Variants in GLMN observed in about 807,000 individuals in gnomAD.
GLMN encodes the protein glomulin.
In GLMN, 75 loss-of-function variants were observed where a neutral mutation model predicts 87.8. The ratio of observed to expected loss-of-function variants is 0.85; its 90% CI spans 0.71 to 1.04. GLMN has a LOEUF of 1.04. Ranked by LOEUF, GLMN falls within the 50% of genes least tolerant of loss-of-function variation. The pLI is 0.00. For missense variants in GLMN, 588 were observed against 658.8 expected (o/e 0.89, Z 1.18); for synonymous variants, 206 against 221.6 (o/e 0.93, Z 0.63).
At position 92,289,020 on chromosome 1, in the gene GLMN, A is replaced by C; in HGVS notation, c.526T>G (p.Cys176Gly). ...IQMDDYGLCQCCKALIEFTKP... is the reference protein window; with the variant it reads ...IQMDDYGLCQGCKALIEFTKP... ...GTGAACTCTATTAAGGCCTTGCAAC[A>C]CTGACAAAGGCCATAGTCATCCATT... is the stretch of plus-strand genomic sequence containing the variant. Residue 176 changes from cysteine (C) to glycine (G), a missense_variant, in exon 6 of 19, where the codon TGT becomes GGT. Cys to Gly is a radical substitution (Grantham distance 159, BLOSUM62 -3). Coordinates refer to ENST00000370360, the MANE Select transcript of GLMN (RefSeq NM_053274.3). 1.9e-6 allele frequency: 3 copies of C among 1,609,086 alleles called. No individual in the cohort carries two copies. The South Asian group carries it at 3.3e-5, about 18-fold the overall frequency.
chr1:92,266,484 C>G lies in GLMN; in HGVS notation c.1149G>C (p.Lys383Asn), dbSNP rs1655645485. 1 of 1,553,940 alleles carries G rather than the reference C, an allele frequency of 6.4e-7. No individual in the cohort carries two copies. The highest frequency in any genetic ancestry group is 8.9e-7 in the Non-Finnish European group (1 of 1,126,948). ...TATACAGCTGAAGCATAGCTAAACT[C>G]TTTTTCCTCTAAAATGGAACAAACA... is the stretch of plus-strand genomic sequence containing the variant. ...TLCPIETLRKKSLAMLQLYIN... is the reference protein window; with the variant it reads ...TLCPIETLRKNSLAMLQLYIN... The change falls in exon 13 of 19, where the codon AAG (lysine) becomes AAC (asparagine). Residue 383 changes from lysine (K) to asparagine (N), a missense_variant. Physicochemically the swap from Lys to Asn is moderately conservative, Grantham distance 94. Coordinates refer to ENST00000370360, the MANE Select transcript of GLMN (RefSeq NM_053274.3).
rs543622095 is a variant in GLMN at position 92,281,974 on chromosome 1, C to A, written c.735+4516G>T. Among the ~76,000 whole-genome samples the A allele has an allele frequency of 8.5e-5, 13 of 152,266 alleles. No homozygotes were observed. The East Asian group carries it at 1.9e-3, about 23-fold the overall frequency. On this transcript the variant is annotated intron_variant, in intron 7 of 18. Coordinates refer to ENST00000370360, the MANE Select transcript of GLMN (RefSeq NM_053274.3). Reference sequence around the variant, plus strand: ...TACAGGAGCACCCAGGTTTATAAAGCAAGTCCTTAGAGACCTACAAAGATA... The same window carrying A: ...TACAGGAGCACCCAGGTTTATAAAGAAAGTCCTTAGAGACCTACAAAGATA...
At chr1:92,322,932 A>T in the GLMN span, among the ~76,000 whole-genome samples, 1 of 147,654 alleles carries the variant, frequency 6.8e-6, no homozygotes, top group African/African-American at 2.5e-5. Flanking sequence ...AACTACATAT[A>T]TACTTTATAT....
At chr1:92,255,493 AC>A (rs564257768) in intron 16 of GLMN, among the ~76,000 whole-genome samples, 279 of 152,314 alleles carry the variant, frequency 1.8e-3, no homozygotes, top group African/African-American at 6.6e-3. Context: ...TCTAAAATTG[AC>A]CACATAATTG....
At chr1:92,355,370 A>T in the GLMN span, among the ~76,000 whole-genome samples, 1 of 152,148 alleles carries the variant, frequency 6.6e-6, no homozygotes, top group Non-Finnish European at 1.5e-5. Flanking sequence ...AGGTTAAATC[A>T]ACTTGGTAGT....
the GLMN span, among the ~76,000 whole-genome samples, chr1:92,348,211 G>A: frequency 6.6e-6 from 1 of 152,184 alleles, no homozygotes; most frequent in East Asian, 1.9e-4. Flanking sequence ...TCTTGAAATT[G>A]TAGCAGTAAA....
chr1:92,296,166 A>G (rs1036393794), intron 3 of GLMN, among the ~76,000 whole-genome samples: 2 of 152,184 alleles, frequency 1.3e-5, no homozygotes, highest in African/African-American at 4.8e-5. Flanking sequence ...GGAGAGAAAC[A>G]CAGATCAACA....
intron 7 of GLMN, among the ~76,000 whole-genome samples, chr1:92,283,891 T>C (rs1477249381): frequency 1.3e-5 from 2 of 152,016 alleles, no homozygotes; most frequent in African/African-American, 2.4e-5. Context: ...GAGAATAAAA[T>C]AGCTAGGAAT....
the GLMN span, among the ~76,000 whole-genome samples, chr1:92,347,591 C>A: frequency 6.6e-6 from 1 of 152,028 alleles, no homozygotes; most frequent in Non-Finnish European, 1.5e-5. Context: ...CACATCTTAT[C>A]TAAAATATAT....
chr1:92,349,227 G>T, the GLMN span, among the ~76,000 whole-genome samples: 2 of 152,044 alleles, frequency 1.3e-5, no homozygotes, highest in African/African-American at 4.8e-5. Context: ...TTATAGCTAG[G>T]CAAAAGATTC....
intron 7 of GLMN, among the ~76,000 whole-genome samples, chr1:92,280,676 A>AAGG (rs1241977238): frequency 6.6e-6 from 1 of 152,004 alleles, no homozygotes; most frequent in Non-Finnish European, 1.5e-5. Flanking sequence ...CTCCGAGCTA[A>AAGG]AGGAGCATGT....
chr1:92,352,276 A>G, the GLMN span, among the ~76,000 whole-genome samples: 4 of 152,188 alleles, frequency 2.6e-5, no homozygotes, highest in East Asian at 1.9e-4. Context: ...GTCCTGGGAA[A>G]TGGTATTTAA....
At chr1:92,343,480 T>G in the GLMN span, among the ~76,000 whole-genome samples, 4 of 152,244 alleles carry the variant, frequency 2.6e-5, no homozygotes, top group African/African-American at 9.6e-5. Flanking sequence ...TCCTATCATC[T>G]AGGCTTTTTT....
intron 7 of GLMN, among the ~76,000 whole-genome samples, chr1:92,278,076 G>T (rs1647507364): frequency 6.6e-6 from 1 of 152,172 alleles, no homozygotes; most frequent in Non-Finnish European, 1.5e-5. Context: ...GGTGTCCGTT[G>T]TACAACTGCT....
the GLMN span, among the ~76,000 whole-genome samples, chr1:92,364,899 C>T: frequency 1.3e-5 from 2 of 152,142 alleles, no homozygotes; most frequent in Admixed American, 1.3e-4. Flanking sequence ...AACTTAGTGA[C>T]TTCCCAGCTC....
chr1:92,364,792 C>G, the GLMN span, among the ~76,000 whole-genome samples: 50 of 152,298 alleles, frequency 3.3e-4, no homozygotes. Context: ...GGTCTCCTTG[C>G]CGTGTGTCTC....
intron 7 of GLMN, among the ~76,000 whole-genome samples, chr1:92,280,128 C>T (rs542892667): frequency 1.3e-5 from 2 of 152,342 alleles, no homozygotes; most frequent in East Asian, 1.9e-4. Context: ...GCATAGCATT[C>T]GAGCTCCGAT....
chr1:92,275,101 G>A (rs568244952), intron 7 of GLMN, among the ~76,000 whole-genome samples: 74 of 152,278 alleles, frequency 4.9e-4, no homozygotes, highest in South Asian at 8.3e-4. Flanking sequence ...TGGTTTCCAA[G>A]CACCATTGAG....
Position 92,278,868 on chromosome 1 carries a change from G to A in GLMN, c.736-7216C>T, listed in dbSNP as rs183274879. ...AATCTCAAGTATTTCATTTTCTCTA[G>A]CCCAATGACCTTTGCCTCTATCCTC... On this transcript the variant is annotated intron_variant, in intron 7 of 18. Transcript: ENST00000370360. Among the ~76,000 whole-genome samples, 6 of 152,124 alleles carry A rather than the reference G, an allele frequency of 3.9e-5. No individual in the cohort carries two copies. The East Asian group carries it at 1.2e-3, about 29-fold the overall frequency.
Sources: allele counts gnomAD v4.1 joint callset (sites outside exome capture counted in the v4.1 genomes callset), GRCh38; gene constraint gnomAD v4.1.1; transcripts MANE v1.5; gene names NCBI Gene and HGNC (gene_info 2026-07-23, HGNC 2026-07-21).